The following COL12A1 variants were observed in gnomAD, a reference collection of about 807,000 sequenced individuals.
COL12A1 encodes the protein collagen alpha-1(XII) chain.
COL12A1 carries 114 observed loss-of-function variants against 349.7 expected under a neutral mutation model. That is an observed-to-expected ratio of 0.33 (90% CI 0.28 to 0.38). The LOEUF (loss-of-function observed/expected upper bound fraction) is 0.38, where lower values mean the gene tolerates loss of function less well. COL12A1 is among the 10% of genes least tolerant of loss of function. The probability of loss-of-function intolerance (pLI) is 1.00; values close to 1 mark genes in which losing one functional copy is unlikely to be tolerated. For synonymous variants in COL12A1, 1,369 were observed against 1,329.0 expected (o/e 1.03, Z -0.66); for missense variants, 3,284 against 3,756.9 (o/e 0.87, Z 3.29).
rs112175194 is a variant in COL12A1 at position 75,163,600 on chromosome 6, G to A, written c.2983+1907C>T. On this transcript the variant is annotated intron_variant, in intron 14 of 65. Coordinates refer to ENST00000322507, the MANE Select transcript of COL12A1 (RefSeq NM_004370.6). ...TGGGTGCAACAAACCACCATGGCAC[G>A]TGTATACCTATGTAAAAAACCTACA... Among the ~76,000 whole-genome samples, 956 of 152,126 alleles carry A rather than the reference G, an allele frequency of 6.3e-3. 10 individuals carry two copies. The highest frequency in any genetic ancestry group is 0.022 in the African/African-American group (897 of 41,462).
At chr6:75,199,767 A>G (rs1446149578) in intron 2 of COL12A1, among the ~76,000 whole-genome samples, 1 of 152,228 alleles carries the variant, frequency 6.6e-6, no homozygotes, top group Non-Finnish European at 1.5e-5. Flanking sequence ...CTGAAGTGAA[A>G]AAATCATTTC....
At chr6:75,118,948 A>T (rs1168932098) in intron 46 of COL12A1, 95 bp downstream of exon 46, 21 of 1,530,690 alleles carry the variant, frequency 1.4e-5, no homozygotes, top group Non-Finnish European at 1.8e-5. Flanking sequence ...CAGAAACAAT[A>T]AAGTAACATC....
intron 15 of COL12A1, 133 bp from the exon 16 acceptor site, chr6:75,155,987 A>G: frequency 3.0e-6 from 3 of 989,200 alleles, no homozygotes; most frequent in Non-Finnish European, 4.3e-6. Context: ...CATGTTCCAT[A>G]GAAGTCCAGA....
chr6:75,185,742 C>G (rs1769579474), intron 8 of COL12A1, among the ~76,000 whole-genome samples: 3 of 152,160 alleles, frequency 2.0e-5, no homozygotes, highest in South Asian at 4.1e-4. Context: ...GTAACCAAAA[C>G]AGCATAGTAC....
chr6:75,191,643 C>T (rs1769934859), intron 5 of COL12A1, 58 bp downstream of exon 5: 1 of 1,188,472 alleles, frequency 8.4e-7, no homozygotes, highest in African/African-American at 1.6e-5. Flanking sequence ...AACATCTGTT[C>T]TATCCTACAT....
chr6:75,136,995 C>T lies in COL12A1; in HGVS notation c.5394+442G>A, dbSNP rs977446479. ...ATCTAGAAACACCAGATCTAGAAGACACCCTATGACATGCAAAAAACAGGG... is the reference window on the plus strand; with the variant it reads ...ATCTAGAAACACCAGATCTAGAAGATACCCTATGACATGCAAAAAACAGGG... On this transcript the variant is annotated intron_variant, in intron 31 of 65. Coordinates refer to ENST00000322507, the MANE Select transcript of COL12A1 (RefSeq NM_004370.6). Among the ~76,000 whole-genome samples, 10 of 152,158 alleles carry T rather than the reference C, an allele frequency of 6.6e-5. No homozygotes were observed. The South Asian group carries it at 2.1e-3, about 32-fold the overall frequency.
At chr6:75,123,109 G>T (rs982110249) in intron 43 of COL12A1, among the ~76,000 whole-genome samples, 7 of 152,186 alleles carry the variant, frequency 4.6e-5, no homozygotes, top group Non-Finnish European at 8.8e-5. Flanking sequence ...TCCAGCTGAA[G>T]ATCTGGAATA....
At chr6:75,173,616 C>T (rs1187783849) in intron 13 of COL12A1, among the ~76,000 whole-genome samples, 1 of 152,198 alleles carries the variant, frequency 6.6e-6, no homozygotes, top group African/African-American at 2.4e-5. Flanking sequence ...CTCAGGTGAT[C>T]CACCTGCCTT....
chr6:75,200,965 C>A (rs1770498251), intron 2 of COL12A1, among the ~76,000 whole-genome samples: 1 of 151,010 alleles, frequency 6.6e-6, no homozygotes, highest in Admixed American at 6.6e-5. Flanking sequence ...AAGAGCTGTA[C>A]CATATGGAAA....
intron 51 of COL12A1, among the ~76,000 whole-genome samples, chr6:75,110,456 T>G (rs993886702): frequency 6.6e-6 from 1 of 152,064 alleles, no homozygotes; most frequent in Non-Finnish European, 1.5e-5. Context: ...ACATTTCAGA[T>G]TGGGCCCTTC....
chr6:75,090,804 A>AT lies in COL12A1; in HGVS notation c.8753-507dup, dbSNP rs1767725131. Among the ~76,000 whole-genome samples, 1 of 152,230 alleles carries AT rather than the reference A, an allele frequency of 6.6e-6. No individual in the cohort carries two copies. Among genetic ancestry groups the AT allele is most frequent in the African/African-American group, 2.4e-5 (1 of 41,474 alleles). ...CAGGAACTCACTTCTAACAAGCAAC[A>AT]TAAGTGATTCTAAGGCAGGTGTTCC... On this transcript the variant is annotated intron_variant, in intron 62 of 65. Coordinates refer to ENST00000322507, the MANE Select transcript of COL12A1 (RefSeq NM_004370.6). This position sits in a 1 kb window ranked among gnomAD's most constrained non-coding sequence, Gnocchi z 4.1.
intron 17 of COL12A1, 127 bp from the exon 18 acceptor site, chr6:75,152,609 G>A: frequency 2.0e-6 from 2 of 1,002,636 alleles, no homozygotes; most frequent in Non-Finnish European, 3.0e-6. Flanking sequence ...CTAGCTCAGT[G>A]ATGTGGAGTA....
intron 13 of COL12A1, among the ~76,000 whole-genome samples, chr6:75,174,539 G>A (rs1768816107): frequency 6.6e-6 from 1 of 152,048 alleles, no homozygotes; most frequent in South Asian, 2.1e-4. Context: ...CTGGGCGAAA[G>A]AGCGAGACTC....
At chr6:75,198,965 C>T (rs187553368) in intron 2 of COL12A1, among the ~76,000 whole-genome samples, 63 of 152,316 alleles carry the variant, frequency 4.1e-4, no homozygotes, top group African/African-American at 1.3e-3. Context: ...CATTAATTTA[C>T]ATTTGCCATG....
intron 2 of COL12A1, among the ~76,000 whole-genome samples, chr6:75,200,506 G>A (rs904337864): frequency 2.6e-5 from 4 of 152,188 alleles, no homozygotes; most frequent in African/African-American, 9.7e-5. Flanking sequence ...CCAGGAGGCG[G>A]AGGCTGCAGT....
At chr6:75,153,240 A>G (rs1260430363) in intron 17 of COL12A1, among the ~76,000 whole-genome samples, 1 of 152,192 alleles carries the variant, frequency 6.6e-6, no homozygotes, top group East Asian at 1.9e-4. Context: ...TTAGAAAAGT[A>G]TGCAAACAAA....
chr6:75,182,743 G>A (rs980421882), intron 10 of COL12A1, among the ~76,000 whole-genome samples: 4 of 152,138 alleles, frequency 2.6e-5, no homozygotes, highest in African/African-American at 7.2e-5. Context: ...CCATACATGG[G>A]ATTTGGATTG....
At chr6:75,089,521 A>T (rs1038610631) in intron 63 of COL12A1, among the ~76,000 whole-genome samples, 9 of 152,254 alleles carry the variant, frequency 5.9e-5, no homozygotes, top group African/African-American at 4.8e-5. Context: ...TAGTAGCCCT[A>T]TTAGTACAGC....
chr6:75,138,719 T>A, intron 28 of COL12A1, 103 bp downstream of exon 28: 12 of 1,565,562 alleles, frequency 7.7e-6, no homozygotes, highest in Non-Finnish European at 1.0e-5. Context: ...CAAATGTCAA[T>A]AAATGCTTAT....
Sources: allele counts gnomAD v4.1 joint callset (sites outside exome capture counted in the v4.1 genomes callset), GRCh38; gene constraint gnomAD v4.1.1; non-coding constraint Gnocchi (gnomAD v3.1); transcripts MANE v1.5; gene names NCBI Gene and HGNC (gene_info 2026-07-23, HGNC 2026-07-21).